The following KIF26B variants were observed in gnomAD, a reference collection of about 807,000 sequenced individuals.
The protein encoded by KIF26B is kinesin-like protein KIF26B.
In KIF26B, 63 loss-of-function variants were observed where a neutral mutation model predicts 151.2. That is an observed-to-expected ratio of 0.42 (90% CI 0.34 to 0.51). The LOEUF (loss-of-function observed/expected upper bound fraction) is 0.51. Ranked by LOEUF, KIF26B falls within the 20% of genes least tolerant of loss-of-function variation. The pLI is 0.07. For missense variants in KIF26B, 2,813 were observed against 2,913.6 expected, an observed-to-expected ratio of 0.97 and a Z score of 0.79; for synonymous variants, 1,357 against 1,262.1, an observed-to-expected ratio of 1.08 and a Z score of -1.59.
At chr1:245,609,593 G>A in intron 8 of KIF26B, 65 bp downstream of exon 8, 1 of 1,430,838 alleles carries the variant, frequency 7.0e-7, no homozygotes, top group Non-Finnish European at 9.2e-7. Context: ...GGCTGGGGCA[G>A]CTCCACCCGT....
intron 4 of KIF26B, among the ~76,000 whole-genome samples, chr1:245,538,228 G>A (rs144447915): frequency 1.3e-5 from 2 of 152,278 alleles, no homozygotes; most frequent in Non-Finnish European, 2.9e-5. Context: ...AATGGAATGA[G>A]CTTATAGATA....
chr1:245,168,068 T>G lies in KIF26B; in HGVS notation c.465+11385T>G, dbSNP rs115695523. ...CACCTAGCTGGCCTGTGCTTGATTT[T>G]TCTTTTGTAATCTAAGAGCATGGTA... is the stretch of plus-strand genomic sequence containing the variant. On this transcript the variant is annotated intron_variant, in intron 2 of 14. Transcript: ENST00000407071. Among the ~76,000 whole-genome samples the G allele has an allele frequency of 6.9e-3, 1,054 of 152,342 alleles. 7 individuals carry two copies. Among genetic ancestry groups the G allele is most frequent in the African/African-American group, 0.024 (1,001 of 41,566 alleles).
At chr1:245,207,363 T>C (rs12030471) in intron 2 of KIF26B, among the ~76,000 whole-genome samples, 5 of 152,176 alleles carry the variant, frequency 3.3e-5, no homozygotes, top group African/African-American at 4.8e-5. Context: ...CCTGCCTCCA[T>C]TGGCTGGAGT....
At chr1:245,169,963 C>T (rs889843746) in intron 2 of KIF26B, among the ~76,000 whole-genome samples, 3 of 151,944 alleles carry the variant, frequency 2.0e-5, no homozygotes, top group Admixed American at 6.6e-5. Flanking sequence ...CACTACACTC[C>T]GTGAGCGTAG....
chr1:245,608,967 T>C (rs182754364), intron 7 of KIF26B, among the ~76,000 whole-genome samples: 1 of 152,254 alleles, frequency 6.6e-6, no homozygotes, highest in Admixed American at 6.5e-5. Context: ...TTGCCCAGAC[T>C]GGCCTGGAAC....
intron 9 of KIF26B, among the ~76,000 whole-genome samples, chr1:245,618,899 G>C (rs1247315707): frequency 2.2e-5 from 3 of 138,260 alleles, no homozygotes; most frequent in Admixed American, 1.4e-4. Context: ...GCTGCGTGCT[G>C]TTGGTGAGCT....
In KIF26B at chr1:245,287,387, G is replaced by GT. The variant is rs764974253; in HGVS notation, c.466-79441dup. 6.5e-4 allele frequency among the ~76,000 whole-genome samples: 98 copies of GT among 150,484 alleles called. 1 individual carries two copies. The highest frequency in any genetic ancestry group is 6.8e-3 in the Middle Eastern group (2 of 294). On this transcript the variant is annotated intron_variant, in intron 2 of 14. Coordinates refer to ENST00000407071, the MANE Select transcript of KIF26B (RefSeq NM_018012.4). ...TTGCATATTGTTTTAGTTATTTCTA[G>GT]TTTTTTGTAAAGTATATAAATGCGT...
intron 5 of KIF26B, among the ~76,000 whole-genome samples, chr1:245,585,378 G>T (rs975638223): frequency 2.0e-5 from 3 of 152,174 alleles, no homozygotes; most frequent in African/African-American, 7.2e-5. Flanking sequence ...AAAGTAAAGA[G>T]TCTGTGCTGT....
At position 245,241,670 on chromosome 1, in the gene KIF26B, A is replaced by T. The variant is rs1156736312; in HGVS notation, c.465+84987A>T. ...CTGTGGACAGCTGGAGGTCCACGGGAACAGCTGCTATGGCGGCGGACACAG... is the reference window on the plus strand; with the variant it reads ...CTGTGGACAGCTGGAGGTCCACGGGTACAGCTGCTATGGCGGCGGACACAG... On this transcript the variant is annotated intron_variant, in intron 2 of 14. Coordinates refer to ENST00000407071, the MANE Select transcript of KIF26B (RefSeq NM_018012.4). This position sits in a 1 kb window ranked among gnomAD's most constrained non-coding sequence, Gnocchi z 5.0. Among the ~76,000 whole-genome samples, 2 of 152,148 alleles carry T rather than the reference A, an allele frequency of 1.3e-5. No homozygotes were observed. The highest frequency in any genetic ancestry group is 2.9e-5 in the Non-Finnish European group (2 of 68,026).
chr1:245,509,018 T>G (rs1253589649), intron 4 of KIF26B, among the ~76,000 whole-genome samples: 1 of 152,166 alleles, frequency 6.6e-6, no homozygotes, highest in East Asian at 1.9e-4. Flanking sequence ...GAAATGGAGG[T>G]AGATGTTCAG....
chr1:245,398,137 G>T (rs1673902930), intron 3 of KIF26B, among the ~76,000 whole-genome samples: 1 of 152,150 alleles, frequency 6.6e-6, no homozygotes, highest in African/African-American at 2.4e-5. Flanking sequence ...TCTAGGGTTT[G>T]GCTCTACTGT....
rs1553299338 is a variant in KIF26B at position 245,640,160 on chromosome 1, T to TTGTACAA, written c.2099-5961_2099-5960insTGTACAA. 5.5e-5 allele frequency among the ~76,000 whole-genome samples: 3 copies of TTGTACAA among 54,850 alleles called. 1 individual carries two copies. Among genetic ancestry groups the TTGTACAA allele is most frequent in the African/African-American group, 2.2e-4 (3 of 13,690 alleles). The allele number at this position is 54,850 out of a possible 152,430, so 36.0% of individuals were successfully genotyped here. On this transcript the variant is annotated intron_variant, in intron 9 of 14. Coordinates refer to ENST00000407071, the MANE Select transcript of KIF26B (RefSeq NM_018012.4). ...CTCTCTCTCTATATATATATATATA[T>TTGTACAA]ACCCTGCTATTTGGTTATATATATT...
At chr1:245,575,189 G>T (rs537617871) in intron 5 of KIF26B, among the ~76,000 whole-genome samples, 1 of 151,328 alleles carries the variant, frequency 6.6e-6, no homozygotes, top group Non-Finnish European at 1.5e-5. Context: ...CAAAGAAAAA[G>T]GTAGGCTGGG....
At chr1:245,287,101 T>G (rs1433323129) in intron 2 of KIF26B, among the ~76,000 whole-genome samples, 4 of 152,192 alleles carry the variant, frequency 2.6e-5, no homozygotes, top group Non-Finnish European at 4.4e-5. Context: ...ACAGCAAGAC[T>G]CTGTCTCAAA....
At chr1:245,531,097 C>T (rs931763968) in intron 4 of KIF26B, among the ~76,000 whole-genome samples, 13 of 152,112 alleles carry the variant, frequency 8.5e-5, no homozygotes, top group Non-Finnish European at 1.8e-4. Flanking sequence ...ACTCACTGTA[C>T]TGAGACATTT....
chr1:245,568,786 T>C (rs2043036625), intron 5 of KIF26B, among the ~76,000 whole-genome samples: 1 of 152,212 alleles, frequency 6.6e-6, no homozygotes, highest in South Asian at 2.1e-4. Context: ...GTCAAGGATA[T>C]GGGAAATCAT....
chr1:245,289,048 A>G (rs1486652444), intron 2 of KIF26B, among the ~76,000 whole-genome samples: 4 of 152,170 alleles, frequency 2.6e-5, no homozygotes, highest in East Asian at 3.9e-4. Context: ...TGACTTACAT[A>G]TAGAGGAAGT....
intron 4 of KIF26B, among the ~76,000 whole-genome samples, chr1:245,501,786 G>T (rs975361225): frequency 2.0e-5 from 3 of 152,164 alleles, no homozygotes; most frequent in African/African-American, 4.8e-5. Context: ...ACACACAGAC[G>T]GAGGACCGTT....
intron 2 of KIF26B, among the ~76,000 whole-genome samples, chr1:245,187,810 A>G (rs571890105): frequency 6.6e-6 from 1 of 152,348 alleles, no homozygotes; most frequent in Non-Finnish European, 1.5e-5. Context: ...TAGACACATG[A>G]TAGGGAAAGT....
Sources: allele counts gnomAD v4.1 joint callset (sites outside exome capture counted in the v4.1 genomes callset), GRCh38; gene constraint gnomAD v4.1.1; non-coding constraint Gnocchi (gnomAD v3.1); transcripts MANE v1.5; gene names NCBI Gene and HGNC (gene_info 2026-07-23, HGNC 2026-07-21).